The following YAF2 variants were observed in gnomAD, a reference collection of about 807,000 sequenced individuals.
YAF2 encodes the protein YY1 associated factor 2.
YAF2 carries 7 observed loss-of-function variants against 20.1 expected under a neutral mutation model. That is an observed-to-expected ratio of 0.35 (90% confidence interval 0.20 to 0.65). The LOEUF (loss-of-function observed/expected upper bound fraction) is 0.65. Among genes scored for constraint, YAF2 ranks in the 30% least tolerant of loss-of-function variants. The probability of loss-of-function intolerance (pLI) is 0.69; values close to 1 mark genes in which losing one functional copy is unlikely to be tolerated. For synonymous variants in YAF2, 74 were observed against 76.0 expected, an observed-to-expected ratio of 0.97 and a Z score of 0.14; for missense variants, 151 against 219.2, an observed-to-expected ratio of 0.69 and a Z score of 1.96.
chr12:42,204,185 A>G (rs1284311385), intron 2 of YAF2, among the ~76,000 whole-genome samples: 1 of 152,204 alleles, frequency 6.6e-6, no homozygotes, highest in African/African-American at 2.4e-5. Flanking sequence ...AAAAGTGTGA[A>G]CCTTTGTACA....
intron 2 of YAF2, among the ~76,000 whole-genome samples, chr12:42,219,578 A>G (rs951552411): frequency 6.6e-6 from 1 of 152,160 alleles, no homozygotes; most frequent in African/African-American, 2.4e-5. Context: ...ATTCCTGTAC[A>G]CATATGCATG....
intron 2 of YAF2, chr12:42,237,270 A>G: frequency 2.4e-6 from 1 of 410,452 alleles, no homozygotes; most frequent in Non-Finnish European, 3.4e-6. Context: ...ACACACTAAC[A>G]CAACAATGCA....
At chr12:42,199,220 T>C in intron 2 of YAF2, 1 of 1,289,010 alleles carries the variant, frequency 7.8e-7, no homozygotes, top group Non-Finnish European at 1.0e-6. Context: ...GTAACCAGGC[T>C]CTCTTCCTGT....
chr12:42,161,814 TA>T, intron 2 of YAF2, 49 bp from the exon 3 acceptor site: 1 of 1,510,166 alleles, frequency 6.6e-7, no homozygotes, highest in Non-Finnish European at 9.0e-7. Flanking sequence ...ACTTAAAACA[TA>T]AGTGCTTTAT....
chr12:42,233,597 G>C (rs1022936249), intron 2 of YAF2: 1 of 684,480 alleles, frequency 1.5e-6, no homozygotes, highest in African/African-American at 2.0e-5. Flanking sequence ...CTGCAACCTC[G>C]AACTCTGGGG....
chr12:42,223,761 AAACT>A (rs1445299503), intron 2 of YAF2, among the ~76,000 whole-genome samples: 1 of 152,036 alleles, frequency 6.6e-6, no homozygotes, highest in Admixed American at 6.6e-5. Flanking sequence ...CATTCTCAGC[AAACT>A]AACACGGGAA....
chr12:42,171,337 T>C, intron 2 of YAF2, among the ~76,000 whole-genome samples: 1 of 152,026 alleles, frequency 6.6e-6, no homozygotes, highest in Non-Finnish European at 1.5e-5. Flanking sequence ...GTAGGTAATG[T>C]ACTATCCAGG....
chr12:42,186,579 T>G, intron 2 of YAF2, among the ~76,000 whole-genome samples: 1 of 149,700 alleles, frequency 6.7e-6, no homozygotes, highest in African/African-American at 2.5e-5. Flanking sequence ...TGGAAGGCTG[T>G]GAAAGGAGAA....
intron 2 of YAF2, among the ~76,000 whole-genome samples, chr12:42,186,619 G>A (rs991146739): frequency 2.0e-5 from 3 of 152,064 alleles, no homozygotes; most frequent in African/African-American, 7.2e-5. Context: ...GGAGGTTGCG[G>A]TGAGCTGAGA....
intron 2 of YAF2, chr12:42,236,116 T>C: frequency 7.2e-7 from 1 of 1,390,226 alleles, no homozygotes; most frequent in Non-Finnish European, 9.5e-7. Context: ...TTATAATTGT[T>C]TCCACTTTAA....
intron 2 of YAF2, among the ~76,000 whole-genome samples, chr12:42,230,034 G>A (rs182453950): frequency 2.1e-4 from 32 of 152,212 alleles, no homozygotes; most frequent in African/African-American, 6.5e-4. Context: ...TGAGGCAGGC[G>A]GATCACGAGG....
intron 2 of YAF2, among the ~76,000 whole-genome samples, chr12:42,224,038 A>AAAAT (rs761056288): frequency 8.5e-5 from 13 of 152,160 alleles, no homozygotes; most frequent in African/African-American, 1.9e-4. Context: ...AAGTTAAAGT[A>AAAAT]AAATAAATAA....
At chr12:42,224,889 C>A (rs2067642489) in intron 2 of YAF2, among the ~76,000 whole-genome samples, 1 of 152,156 alleles carries the variant, frequency 6.6e-6, no homozygotes, top group African/African-American at 2.4e-5. Context: ...TGGGTATATA[C>A]CCAGTAATGA....
rs1449756996 is a variant in YAF2, at chr12:42,159,706, A to G, written c.*883T>C. ...GCCCTGGATAAGTTTGGGACAAGAA[A>G]ACAATGATAAAACTATCATTAAGTT... is the stretch of plus-strand genomic sequence containing the variant. On this transcript the variant is annotated 3_prime_UTR_variant, in exon 4 of 4. Coordinates refer to ENST00000534854, the MANE Select transcript of YAF2 (RefSeq NM_005748.6). 1 of 152,524 alleles carries G rather than the reference A, an allele frequency of 6.6e-6. No individual in the cohort carries two copies. Among genetic ancestry groups the G allele is most frequent in the Non-Finnish European group, 1.5e-5 (1 of 67,978 alleles). The allele number at this position is 152,524 out of a possible 1,614,324, so 9.4% of individuals were successfully genotyped here. A position where few individuals can be genotyped will look rare whatever the true frequency, so the allele number is the denominator to read the frequency against.
At chr12:42,222,353 T>C (rs1408659878) in intron 2 of YAF2, among the ~76,000 whole-genome samples, 1 of 152,202 alleles carries the variant, frequency 6.6e-6, no homozygotes, top group African/African-American at 2.4e-5. Context: ...AAAAAACCTT[T>C]CATTCAACTA....
intron 2 of YAF2, chr12:42,235,239 T>G: frequency 2.0e-6 from 2 of 996,810 alleles, no homozygotes; most frequent in Non-Finnish European, 2.4e-6. Flanking sequence ...TTGGCTTTAG[T>G]ACTTGCCAAC....
chr12:42,183,060 T>C (rs1044323795), intron 2 of YAF2, among the ~76,000 whole-genome samples: 2 of 152,236 alleles, frequency 1.3e-5, no homozygotes, highest in African/African-American at 4.8e-5. Context: ...ATATCTGTTA[T>C]GGTGATCTAT....
chr12:42,226,986 G>A (rs1249904537), intron 2 of YAF2, among the ~76,000 whole-genome samples: 7 of 148,756 alleles, frequency 4.7e-5, no homozygotes, highest in East Asian at 4.0e-4. Flanking sequence ...GTGCGGAGCC[G>A]GGACAGTCGC....
intron 2 of YAF2, among the ~76,000 whole-genome samples, chr12:42,200,957 T>C (rs2066883535): frequency 6.6e-6 from 1 of 152,168 alleles, no homozygotes; most frequent in Non-Finnish European, 1.5e-5. Context: ...AGTACCTCTT[T>C]CTGACTTTTC....
Sources: allele counts gnomAD v4.1 joint callset (sites outside exome capture counted in the v4.1 genomes callset), GRCh38; gene constraint gnomAD v4.1.1; transcripts MANE v1.5; gene names NCBI Gene and HGNC (gene_info 2026-07-23, HGNC 2026-07-21).